ARHGAP10: variants seen among roughly 807,000 people sequenced by gnomAD.
The protein encoded by ARHGAP10 is Rho GTPase activating protein 10.
A neutral mutation model predicts 108.6 loss-of-function variants in ARHGAP10; 87 were observed. The ratio of observed to expected loss-of-function variants is 0.80; its 90% CI spans 0.67 to 0.96. ARHGAP10 has a LOEUF of 0.96. ARHGAP10 is among the 40% of genes least tolerant of loss of function. The pLI is 0.00. For synonymous variants in ARHGAP10, 347 were observed against 341.1 expected (o/e 1.02, Z -0.19); for missense variants, 939 against 954.5 (o/e 0.98, Z 0.21).
intron 1 of ARHGAP10, among the ~76,000 whole-genome samples, chr4:147,735,419 GT>G (rs1337333054): frequency 6.6e-6 from 1 of 152,210 alleles, no homozygotes; most frequent in Non-Finnish European, 1.5e-5. Context: ...GAACTCACTG[GT>G]GATAAGGAGT....
intron 3 of ARHGAP10, among the ~76,000 whole-genome samples, chr4:147,828,410 G>C (rs538162127): frequency 4.1e-4 from 63 of 152,316 alleles, no homozygotes; most frequent in African/African-American, 1.4e-3. Flanking sequence ...TGCTTAAATA[G>C]GCTGTATTAA....
At chr4:147,752,397 G>A (rs1729191045) in intron 1 of ARHGAP10, among the ~76,000 whole-genome samples, 1 of 152,094 alleles carries the variant, frequency 6.6e-6, no homozygotes, top group Non-Finnish European at 1.5e-5. Flanking sequence ...ATCTGGAATA[G>A]TGGCTGTGCT....
At chr4:147,989,668 T>A (rs938626775) in intron 18 of ARHGAP10, among the ~76,000 whole-genome samples, 1 of 152,246 alleles carries the variant, frequency 6.6e-6, no homozygotes, top group Non-Finnish European at 1.5e-5. Flanking sequence ...AGGTTATCTC[T>A]CTTATTCCCT....
intron 18 of ARHGAP10, among the ~76,000 whole-genome samples, chr4:147,988,318 A>G (rs560748198): frequency 9.8e-5 from 15 of 152,314 alleles, no homozygotes; most frequent in African/African-American, 3.6e-4. Context: ...AACCAGAAGT[A>G]GCTTTCCTCT....
intron 20 of ARHGAP10, among the ~76,000 whole-genome samples, chr4:148,056,104 G>A (rs1029532600): frequency 1.8e-4 from 28 of 152,236 alleles, no homozygotes; most frequent in African/African-American, 6.3e-4. Flanking sequence ...GCAGAATTGA[G>A]TAGTTGCAGA....
In ARHGAP10 at chr4:147,933,444, GT is replaced by G. The variant is rs1463473429; in HGVS notation, c.1229-6378del. On this transcript the variant is annotated intron_variant, in intron 13 of 22. Coordinates refer to ENST00000336498, the MANE Select transcript of ARHGAP10 (RefSeq NM_024605.4). ...GTGTCTGTGCATTGAGGGATTAGCT[GT>G]TTATTTTCATCTACCCAGTCTGGCT... Among the ~76,000 whole-genome samples, 4 of 151,252 alleles carry G rather than the reference GT, an allele frequency of 2.6e-5. No individual in the cohort carries two copies. The Admixed American group carries it at 2.6e-4, about 10-fold the overall frequency.
At position 147,799,739 on chromosome 4, in the gene ARHGAP10, A is replaced by G. The variant is rs1452258395; in HGVS notation, c.155-22988A>G. Among the ~76,000 whole-genome samples the G allele has an allele frequency of 2.6e-5, 4 of 152,198 alleles. No individual in the cohort carries two copies. The South Asian group carries it at 8.3e-4, about 31-fold the overall frequency. On this transcript the variant is annotated intron_variant, in intron 1 of 22. Coordinates refer to ENST00000336498, the MANE Select transcript of ARHGAP10 (RefSeq NM_024605.4). ...AGAATTTATAATTGATTATTGAAGC[A>G]CTTGTAAGAGGGTTGCTTTAAAATC...
At chr4:147,894,134 A>G (rs1291641004) in intron 10 of ARHGAP10, among the ~76,000 whole-genome samples, 6 of 15,084 alleles carry the variant, frequency 4.0e-4, no homozygotes, top group African/African-American at 4.6e-4. Context: ...TCTTGCATAA[A>G]TACTTTGGGT....
intron 4 of ARHGAP10, 95 bp from the exon 5 acceptor site, chr4:147,857,452 TGTTTTA>T (rs948305301): frequency 2.6e-6 from 3 of 1,156,646 alleles, no homozygotes; most frequent in Middle Eastern, 2.9e-4. Flanking sequence ...AGTGGTGCTT[TGTTTTA>T]TTTTCAGATA....
intron 3 of ARHGAP10, among the ~76,000 whole-genome samples, chr4:147,839,092 GTATC>G (rs139337846): frequency 0.25 from 36,057 of 143,604 alleles, 4,654 homozygotes; most frequent in African/African-American, 0.31. Flanking sequence ...TAGATCTATC[GTATC>G]TATCTATCTA....
chr4:147,890,444 A>G (rs1239030060), intron 10 of ARHGAP10, among the ~76,000 whole-genome samples: 1 of 152,236 alleles, frequency 6.6e-6, no homozygotes, highest in Non-Finnish European at 1.5e-5. Context: ...TCTAGAATAT[A>G]TAAAGAACCA....
chr4:147,952,936 T>TA (rs987565607), intron 15 of ARHGAP10, among the ~76,000 whole-genome samples: 3 of 152,052 alleles, frequency 2.0e-5, no homozygotes, highest in African/African-American at 7.2e-5. Context: ...TTACATAAGA[T>TA]ATGAGGTATG....
At chr4:147,965,153 A>C in intron 17 of ARHGAP10, 24 bp downstream of exon 17, 1 of 1,569,388 alleles carries the variant, frequency 6.4e-7, no homozygotes, top group Non-Finnish European at 8.7e-7. Flanking sequence ...TCTTCGTTTT[A>C]ACTTTCTTCA....
At chr4:147,979,067 C>T (rs960915989) in intron 18 of ARHGAP10, among the ~76,000 whole-genome samples, 2 of 151,996 alleles carry the variant, frequency 1.3e-5, no homozygotes, top group East Asian at 1.9e-4. Context: ...GATTAAGTCC[C>T]GTTTGTCTGT....
rs925575438 is a variant in ARHGAP10, at chr4:147,904,511, C to T, written c.1035-2127C>T. The stretch of plus-strand genomic sequence containing the variant: ...GGTTTTTTGTCCTTGTGATAGTTTA[C>T]TGATAATGATGATTTCCAATTTCAT... On this transcript the variant is annotated intron_variant, in intron 10 of 22. Coordinates refer to ENST00000336498, the MANE Select transcript of ARHGAP10 (RefSeq NM_024605.4). Among the ~76,000 whole-genome samples, 14 of 151,800 alleles carry T rather than the reference C, an allele frequency of 9.2e-5. 1 individual carries two copies. Among genetic ancestry groups the T allele is most frequent in the African/African-American group, 3.4e-4 (14 of 41,298 alleles).
chr4:148,050,594 C>T (rs981371416), intron 20 of ARHGAP10, among the ~76,000 whole-genome samples: 4 of 151,806 alleles, frequency 2.6e-5, no homozygotes, highest in South Asian at 4.2e-4. Context: ...AGGATGGTCT[C>T]GATCTCCTGA....
At chr4:147,856,852 TA>T (rs1422304025) in intron 4 of ARHGAP10, among the ~76,000 whole-genome samples, 3 of 152,116 alleles carry the variant, frequency 2.0e-5, no homozygotes, top group Admixed American at 2.0e-4. Flanking sequence ...AAATCTAGAG[TA>T]AAACATACTG....
At chr4:147,934,203 C>T (rs999050580) in intron 13 of ARHGAP10, among the ~76,000 whole-genome samples, 1 of 152,202 alleles carries the variant, frequency 6.6e-6, no homozygotes, top group African/African-American at 2.4e-5. Context: ...CAACTGCAGG[C>T]TCAAGGCCAA....
Position 147,881,833 on chromosome 4 carries a change from T to G in ARHGAP10, c.940-5T>G. 6.2e-7 allele frequency: 1 copy of G among 1,613,578 alleles called. No individual in the cohort carries two copies. Among genetic ancestry groups the G allele is most frequent in the Non-Finnish European group, 8.5e-7 (1 of 1,179,720 alleles). On this transcript the variant is annotated splice_polypyrimidine_tract_variant and splice_region_variant and intron_variant, in intron 9 of 22. Coordinates refer to ENST00000336498, the MANE Select transcript of ARHGAP10 (RefSeq NM_024605.4). ...TTTGAGAATGTTCAAAATGATTATT[T>G]GCAGGGGGACGGAGAGGTGTTCTTT...
Sources: gnomAD v4.1 joint callset for allele counts (sites outside exome capture counted in the v4.1 genomes callset) on GRCh38, gnomAD v4.1.1 for gene constraint, MANE v1.5 for transcripts, NCBI Gene and HGNC (gene_info 2026-07-23, HGNC 2026-07-21) for gene names.